Variants in FSHR observed in about 807,000 individuals in gnomAD.
FSHR encodes follicle-stimulating hormone receptor.
Under a neutral mutation model 52.1 loss-of-function variants are expected in FSHR, and 46 were observed. The observed-to-expected ratio is 0.88, with a 90% CI of 0.70 to 1.13. The LOEUF (loss-of-function observed/expected upper bound fraction) is 1.13, where lower values mean the gene tolerates loss of function less well. FSHR is among the 50% of genes most tolerant of loss of function. FSHR has a pLI of 0.00. For missense variants in FSHR, 964 were observed against 834.6 expected, an observed-to-expected ratio of 1.16 and a Z score of -1.91; for synonymous variants, 399 against 309.6, an observed-to-expected ratio of 1.29 and a Z score of -3.03.
intron 1 of FSHR, among the ~76,000 whole-genome samples, chr2:49,101,847 T>C (rs1399592733): frequency 6.6e-6 from 1 of 152,116 alleles, no homozygotes; most frequent in Non-Finnish European, 1.5e-5. Context: ...TTCTTGCTGG[T>C]GGGGACTCTG....
intron 2 of FSHR, among the ~76,000 whole-genome samples, chr2:49,063,071 A>G (rs1381484987): frequency 6.6e-6 from 1 of 152,114 alleles, no homozygotes; most frequent in East Asian, 1.9e-4. Flanking sequence ...TGATCCAGCA[A>G]TTTTACTAAT....
At chr2:48,984,968 A>T (rs1675421825) in intron 6 of FSHR, among the ~76,000 whole-genome samples, 1 of 152,242 alleles carries the variant, frequency 6.6e-6, no homozygotes, top group African/African-American at 2.4e-5. Context: ...TCACACAAAA[A>T]AAACAAATTA....
intron 1 of FSHR, among the ~76,000 whole-genome samples, chr2:49,134,649 A>G (rs1395545708): frequency 6.6e-6 from 1 of 152,206 alleles, no homozygotes; most frequent in African/African-American, 2.4e-5. Flanking sequence ...ACAATAGCAA[A>G]GACTTGGAAC....
At chr2:49,151,462 T>G (rs1360367732) in intron 1 of FSHR, among the ~76,000 whole-genome samples, 1 of 152,250 alleles carries the variant, frequency 6.6e-6, no homozygotes, top group African/African-American at 2.4e-5. Flanking sequence ...TTCTGTTCTT[T>G]TAGCATTAAT....
At chr2:49,070,521 T>C (rs899057715) in intron 1 of FSHR, among the ~76,000 whole-genome samples, 3 of 152,142 alleles carry the variant, frequency 2.0e-5, no homozygotes, top group Non-Finnish European at 2.9e-5. Flanking sequence ...TGTTTTAAAC[T>C]ACGCAACACT....
intron 4 of FSHR, among the ~76,000 whole-genome samples, chr2:48,991,371 A>G (rs924787880): frequency 1.3e-5 from 2 of 152,162 alleles, no homozygotes; most frequent in South Asian, 2.1e-4. Context: ...ACTACTGGTG[A>G]TTAGTTCCTA....
chr2:49,095,936 G>A (rs1013873018), intron 1 of FSHR, among the ~76,000 whole-genome samples: 1 of 152,104 alleles, frequency 6.6e-6, no homozygotes, highest in Non-Finnish European at 1.5e-5. Context: ...ACATTCACTA[G>A]GATGACTGTA....
In FSHR at chr2:49,088,240, G is replaced by A. The variant is rs182428570; in HGVS notation, c.153-19950C>T. On this transcript the variant is annotated intron_variant, in intron 1 of 9. Transcript: ENST00000406846. ...CCCAGGGCTGGTAAAGTTTTAATGA[G>A]GGCGAGGAGAATGAGTGATAACAAA... is the stretch of plus-strand genomic sequence containing the variant. Among the ~76,000 whole-genome samples, 82 of 152,254 alleles carry A rather than the reference G, an allele frequency of 5.4e-4. 1 individual carries two copies. The East Asian group carries it at 6.6e-3, about 12-fold the overall frequency.
chr2:48,996,803 C>T (rs756355198), intron 4 of FSHR, among the ~76,000 whole-genome samples: 2 of 152,122 alleles, frequency 1.3e-5, no homozygotes, highest in African/African-American at 4.8e-5. Context: ...AAGTGTTTCA[C>T]GTACTGATTT....
intron 2 of FSHR, among the ~76,000 whole-genome samples, chr2:49,050,756 A>C (rs1668827440): frequency 6.6e-6 from 1 of 152,182 alleles, no homozygotes; most frequent in Non-Finnish European, 1.5e-5. Flanking sequence ...TTAAAAATCA[A>C]CTTTGTTGAA....
intron 1 of FSHR, among the ~76,000 whole-genome samples, chr2:49,121,500 A>C (rs866607755): frequency 3.9e-5 from 6 of 152,062 alleles, no homozygotes; most frequent in Non-Finnish European, 5.9e-5. Context: ...TCTAGAGTTG[A>C]AAGCAGTGTG....
At chr2:49,076,461 C>T (rs1027621751) in intron 1 of FSHR, among the ~76,000 whole-genome samples, 1 of 152,164 alleles carries the variant, frequency 6.6e-6, no homozygotes, top group Non-Finnish European at 1.5e-5. Flanking sequence ...TCAATTACCT[C>T]CCACTGGGTC....
chr2:49,079,971 A>G (rs1670106038), intron 1 of FSHR, among the ~76,000 whole-genome samples: 2 of 152,212 alleles, frequency 1.3e-5, no homozygotes, highest in African/African-American at 2.4e-5. Context: ...ACATGCCAGT[A>G]AAGTATATAA....
At chr2:49,057,986 C>G (rs1669127875) in intron 2 of FSHR, among the ~76,000 whole-genome samples, 1 of 152,084 alleles carries the variant, frequency 6.6e-6, no homozygotes, top group Admixed American at 6.6e-5. Context: ...GATAAAAACT[C>G]TCAATAAATT....
intron 2 of FSHR, among the ~76,000 whole-genome samples, chr2:49,025,574 A>C (rs1256522857): frequency 6.6e-6 from 1 of 152,182 alleles, no homozygotes; most frequent in Non-Finnish European, 1.5e-5. Context: ...ATGTATAAGA[A>C]GGCAGGTGAA....
intron 2 of FSHR, among the ~76,000 whole-genome samples, chr2:49,021,860 TC>T (rs1259436203): frequency 2.7e-5 from 1 of 37,444 alleles, no homozygotes; most frequent in Non-Finnish European, 5.0e-5. Context: ...TCTCTCTCTC[TC>T]TCTATATATA....
At chr2:49,016,312 G>A (rs982343036) in intron 4 of FSHR, among the ~76,000 whole-genome samples, 1 of 152,160 alleles carries the variant, frequency 6.6e-6, no homozygotes, top group African/African-American at 2.4e-5. Context: ...TGACTTTGCA[G>A]CTTTTCCCAT....
rs548444155 is a variant in FSHR at position 49,044,215 on chromosome 2, G to A, written c.224+24004C>T. Among the ~76,000 whole-genome samples, 23 of 152,290 alleles carry A rather than the reference G, an allele frequency of 1.5e-4. 2 individuals are homozygous for A. In the South Asian group the frequency reaches 3.9e-3, roughly 26 times the overall value. On this transcript the variant is annotated intron_variant, in intron 2 of 9. Transcript: ENST00000406846. Reference sequence around the variant, plus strand: ...AGTAAGAATGAATATGAGAATATAAGTGATATGCTGTTTTTTTCTGATTAT... The same window carrying A: ...AGTAAGAATGAATATGAGAATATAAATGATATGCTGTTTTTTTCTGATTAT...
At chr2:49,120,503 G>A (rs757770175) in intron 1 of FSHR, among the ~76,000 whole-genome samples, 3 of 152,134 alleles carry the variant, frequency 2.0e-5, no homozygotes, top group South Asian at 2.1e-4. Context: ...CTAGCACTTC[G>A]AATTGTATTG....
Sources: allele counts gnomAD v4.1 joint callset (sites outside exome capture counted in the v4.1 genomes callset), GRCh38; gene constraint gnomAD v4.1.1; transcripts MANE v1.5; gene names NCBI Gene and HGNC (gene_info 2026-07-23, HGNC 2026-07-21).